The following DTWD2 variants were observed in gnomAD, a reference collection of about 807,000 sequenced individuals.
The protein encoded by DTWD2 is tRNA-uridine aminocarboxypropyltransferase 2.
DTWD2 carries 39 observed loss-of-function variants against 31.8 expected under a neutral mutation model. That is an observed-to-expected ratio of 1.22 (90% CI 0.95 to 1.60). The LOEUF is 1.60. Ranked by LOEUF, DTWD2 falls within the 40% of genes most tolerant of loss-of-function variation. The pLI, the probability that DTWD2 is intolerant of heterozygous loss-of-function variation, is 0.00. For synonymous variants in DTWD2, 180 were observed against 142.8 expected, an observed-to-expected ratio of 1.26 and a Z score of -1.86; for missense variants, 515 against 381.5, an observed-to-expected ratio of 1.35 and a Z score of -2.92.
At chr5:118,951,121 A>G (rs1278861622) in intron 1 of DTWD2, among the ~76,000 whole-genome samples, 1 of 152,206 alleles carries the variant, frequency 6.6e-6, no homozygotes, top group Non-Finnish European at 1.5e-5. Flanking sequence ...AACCTTGACC[A>G]TGCCTTTAGC....
intron 4 of DTWD2, among the ~76,000 whole-genome samples, chr5:118,926,106 T>A (rs1453394082): frequency 6.6e-6 from 1 of 152,170 alleles, no homozygotes; most frequent in Non-Finnish European, 1.5e-5. Context: ...CAGGCATGTT[T>A]ATAGCAGCAC....
intron 1 of DTWD2, among the ~76,000 whole-genome samples, chr5:118,950,474 T>G (rs1402470378): frequency 2.0e-5 from 3 of 152,152 alleles, no homozygotes. Flanking sequence ...AGTGTCAGTC[T>G]TCAGCTGCTA....
chr5:118,897,441 T>C (rs1389641940), intron 4 of DTWD2, among the ~76,000 whole-genome samples: 2 of 152,226 alleles, frequency 1.3e-5, no homozygotes, highest in Admixed American at 6.5e-5. Flanking sequence ...CTGGTGTTCA[T>C]ATACATAATT....
chr5:118,853,738 G>C (rs950427176), intron 4 of DTWD2, among the ~76,000 whole-genome samples: 1 of 152,178 alleles, frequency 6.6e-6, no homozygotes, highest in Non-Finnish European at 1.5e-5. Context: ...AGACACAGAG[G>C]GGAGGAGGGC....
chr5:118,916,537 T>C (rs548469055), intron 4 of DTWD2, among the ~76,000 whole-genome samples: 2 of 152,012 alleles, frequency 1.3e-5, no homozygotes, highest in East Asian at 3.9e-4. Flanking sequence ...TGGTGGCACA[T>C]GCCTGTAATC....
In DTWD2 at chr5:118,988,312, G is replaced by A. The variant is rs778926825; in HGVS notation, c.200C>T (p.Pro67Leu). The A allele has an allele frequency of 7.2e-6, 11 of 1,526,194 alleles. No homozygotes were observed. The South Asian group carries it at 1.1e-4, about 15-fold the overall frequency. 94.5% of individuals were successfully genotyped at this position (1,526,194 alleles called of 1,614,324 possible). A position where few individuals can be genotyped will look rare whatever the true frequency, so the allele number is the denominator to read the frequency against. ...ELPVEPAERR[P>L]ECTRCSRPQK... The stretch of plus-strand genomic sequence containing the variant: ...CGGTCACCTGCAGCGGGTGCACTCA[G>A]GCCTCCGCTCGGCCGGCTCCACCGG... Residue 67 changes from proline to leucine, a missense_variant, in exon 1 of 6, where the codon CCT becomes CTT. Coordinates refer to ENST00000510708, the MANE Select transcript of DTWD2 (RefSeq NM_173666.4).
chr5:118,876,495 T>C (rs911509647), intron 4 of DTWD2, among the ~76,000 whole-genome samples: 1 of 151,950 alleles, frequency 6.6e-6, no homozygotes, highest in African/African-American at 2.4e-5. Flanking sequence ...GCTAGACTTA[T>C]AAACAAGAAA....
At chr5:118,938,765 T>G (rs983657528) in intron 3 of DTWD2, among the ~76,000 whole-genome samples, 1 of 100,920 alleles carries the variant, frequency 9.9e-6, no homozygotes, top group Non-Finnish European at 1.9e-5. Flanking sequence ...TTAGGCACCA[T>G]AGGGGAAAAA....
At chr5:118,958,460 A>AAAC (rs372346156) in intron 1 of DTWD2, among the ~76,000 whole-genome samples, 1,749 of 151,434 alleles carry the variant, frequency 0.012, 14 homozygotes, top group Non-Finnish European at 0.014. Flanking sequence ...TCCGTCTGAA[A>AAAC]AACAACAACA....
chr5:118,905,729 T>A (rs985117128), intron 4 of DTWD2, among the ~76,000 whole-genome samples: 2 of 152,188 alleles, frequency 1.3e-5, no homozygotes, highest in Non-Finnish European at 1.5e-5. Flanking sequence ...CTATATTTTT[T>A]ATAAATATGG....
At chr5:118,866,354 T>C (rs530333644) in intron 4 of DTWD2, among the ~76,000 whole-genome samples, 2 of 152,108 alleles carry the variant, frequency 1.3e-5, no homozygotes, top group African/African-American at 4.8e-5. Context: ...GACAGCATAC[T>C]AGTGATTACA....
rs369767455 is a variant in DTWD2 at position 118,928,589 on chromosome 5, C to T, written c.545G>A (p.Ser182Asn). 4 of 1,582,858 alleles carry T rather than the reference C, an allele frequency of 2.5e-6. No individual in the cohort carries two copies. The highest frequency in any genetic ancestry group is 2.3e-5 in the East Asian group (1 of 43,990). Residue 182 changes from serine (S) to asparagine (N), a missense_variant, in exon 4 of 6, where the codon AGC becomes AAC. Transcript: ENST00000510708. ...CTTATAGAAAATGTCCTTAGCCTGG[C>T]TCCATGTACCATCAATGATGATGAT... ...STIIIIDGTW[S>N]QAKDIFYKNS...
chr5:118,955,052 C>T (rs1273928561), intron 1 of DTWD2, among the ~76,000 whole-genome samples: 1 of 151,976 alleles, frequency 6.6e-6, no homozygotes, highest in Admixed American at 6.6e-5. Context: ...ACATAAAAGA[C>T]AAAAATATTT....
At chr5:118,964,055 C>G (rs185644760) in intron 1 of DTWD2, among the ~76,000 whole-genome samples, 2 of 151,858 alleles carry the variant, frequency 1.3e-5, no homozygotes, top group Non-Finnish European at 2.9e-5. Flanking sequence ...ATTAAAAATA[C>G]AAAAATTAGC....
chr5:118,914,064 C>T (rs925663577), intron 4 of DTWD2, among the ~76,000 whole-genome samples: 1 of 152,004 alleles, frequency 6.6e-6, no homozygotes, highest in East Asian at 1.9e-4. Flanking sequence ...TTAGATATGC[C>T]TTCTTATCAG....
At chr5:118,873,712 G>T (rs952721840) in intron 4 of DTWD2, among the ~76,000 whole-genome samples, 1 of 152,140 alleles carries the variant, frequency 6.6e-6, no homozygotes, top group African/African-American at 2.4e-5. Flanking sequence ...TCACACTTGC[G>T]CTAACCCTGA....
intron 4 of DTWD2, among the ~76,000 whole-genome samples, chr5:118,926,216 C>T (rs1292735203): frequency 6.6e-6 from 1 of 152,142 alleles, no homozygotes; most frequent in African/African-American, 2.4e-5. Flanking sequence ...TACTACTCAG[C>T]CATAAAAATG....
chr5:118,873,737 T>C (rs1309892039), intron 4 of DTWD2, among the ~76,000 whole-genome samples: 2 of 152,104 alleles, frequency 1.3e-5, no homozygotes, highest in East Asian at 3.9e-4. Flanking sequence ...GAACAAGGAA[T>C]CCTCCCACAA....
At chr5:118,849,873 T>A (rs1228273512) in intron 4 of DTWD2, among the ~76,000 whole-genome samples, 1 of 151,678 alleles carries the variant, frequency 6.6e-6, no homozygotes, top group African/African-American at 2.4e-5. Context: ...CCAGGGCCTG[T>A]TGGGGGGTGT....
Sources: gnomAD v4.1 joint callset for allele counts (sites outside exome capture counted in the v4.1 genomes callset) on GRCh38, gnomAD v4.1.1 for gene constraint, MANE v1.5 for transcripts, NCBI Gene and HGNC (gene_info 2026-07-23, HGNC 2026-07-21) for gene names.